GFRA2: variants seen among roughly 807,000 people sequenced by gnomAD.
GFRA2 encodes GDNF family receptor alpha-2.
Under a neutral mutation model 48.3 loss-of-function variants are expected in GFRA2, and 17 were observed. The observed-to-expected ratio is 0.35, with a 90% CI of 0.24 to 0.53. GFRA2 has a LOEUF of 0.53. Ranked by LOEUF, GFRA2 falls within the 20% of genes least tolerant of loss-of-function variation. The probability of loss-of-function intolerance (pLI) is 0.93; values close to 1 mark genes in which losing one functional copy is unlikely to be tolerated. For synonymous variants in GFRA2, 305 were observed against 257.2 expected, an observed-to-expected ratio of 1.19 and a Z score of -1.78; for missense variants, 660 against 637.3, an observed-to-expected ratio of 1.04 and a Z score of -0.38.
intron 3 of GFRA2, chr8:21,769,053 G>A: frequency 3.1e-6 from 1 of 326,008 alleles, no homozygotes; most frequent in Non-Finnish European, 4.4e-6. Flanking sequence ...GAACTCTTGG[G>A]GCAGCACTTG....
chr8:21,774,160 C>T (rs1428286070), intron 3 of GFRA2, among the ~76,000 whole-genome samples: 3 of 151,850 alleles, frequency 2.0e-5, no homozygotes, highest in Non-Finnish European at 2.9e-5. Context: ...CCCCCACCCC[C>T]ACAGAGCACT....
chr8:21,796,747 T>G (rs1807683831), intron 2 of GFRA2, among the ~76,000 whole-genome samples: 1 of 152,212 alleles, frequency 6.6e-6, no homozygotes, highest in Non-Finnish European at 1.5e-5. Context: ...ATCCTATCTC[T>G]CTTTCCAGAA....
intron 6 of GFRA2, among the ~76,000 whole-genome samples, chr8:21,703,958 C>T (rs1280282515): frequency 2.6e-5 from 4 of 152,272 alleles, no homozygotes; most frequent in African/African-American, 7.2e-5. Flanking sequence ...CCCTTGCTGA[C>T]ATTCCTTCAA....
intron 4 of GFRA2, among the ~76,000 whole-genome samples, chr8:21,746,087 C>A (rs564434523): frequency 9.2e-5 from 14 of 152,252 alleles, no homozygotes; most frequent in African/African-American, 3.4e-4. Context: ...CGATGAAGAG[C>A]CCCCCAGGGC....
chr8:21,769,139 G>A, intron 3 of GFRA2: 1 of 980,844 alleles, frequency 1.0e-6, no homozygotes, highest in Non-Finnish European at 1.2e-6. Flanking sequence ...ACACAGTGAG[G>A]ACACAGGTCT....
intron 4 of GFRA2, among the ~76,000 whole-genome samples, chr8:21,712,947 G>C (rs983832815): frequency 6.6e-6 from 1 of 151,920 alleles, no homozygotes; most frequent in Non-Finnish European, 1.5e-5. Context: ...AGTGAGCCGA[G>C]ATGGCAGCAG....
At chr8:21,696,734 G>C (rs547570012) in intron 7 of GFRA2, among the ~76,000 whole-genome samples, 1 of 152,276 alleles carries the variant, frequency 6.6e-6, no homozygotes, top group East Asian at 1.9e-4. Flanking sequence ...AACTTGACAA[G>C]TTCCTCTTAA....
chr8:21,700,584 G>A (rs1478027846), intron 7 of GFRA2, among the ~76,000 whole-genome samples: 21 of 152,302 alleles, frequency 1.4e-4, no homozygotes, highest in Non-Finnish European at 2.9e-4. Context: ...CCAACTGGCT[G>A]TGGGGCTGTG....
At position 21,702,675 on chromosome 8, in the gene GFRA2, C is replaced by T. The variant is rs1247625959; in HGVS notation, c.1218+130G>A. On this transcript the variant is annotated intron_variant, in intron 7 of 8. Transcript: ENST00000524240. Reference sequence around the variant, plus strand: ...GGAACTGGTGAAGAATGACCCCCGGCAGCTCCTCCCTGCCTCTTGGGTCCC... The same window carrying T: ...GGAACTGGTGAAGAATGACCCCCGGTAGCTCCTCCCTGCCTCTTGGGTCCC... 6.2e-6 allele frequency: 5 copies of T among 810,252 alleles called. No individual in the cohort carries two copies. In the East Asian group the frequency reaches 9.4e-5, roughly 15 times the overall value. The allele number at this position is 810,252 out of a possible 1,614,324, so 50.2% of individuals were successfully genotyped here. A position where few individuals can be genotyped will look rare whatever the true frequency, so the allele number is the denominator to read the frequency against.
chr8:21,750,057 A>T lies in GFRA2; in HGVS notation c.794+531T>A, dbSNP rs984923104. 4.2e-4 allele frequency among the ~76,000 whole-genome samples: 60 copies of T among 143,874 alleles called. No individual in the cohort carries two copies. Among genetic ancestry groups the T allele is most frequent in the African/African-American group, 1.5e-3 (57 of 38,976 alleles). The allele number at this position is 143,874 out of a possible 152,430, so 94.4% of individuals were successfully genotyped here. A position where few individuals can be genotyped will look rare whatever the true frequency, so the allele number is the denominator to read the frequency against. On this transcript the variant is annotated intron_variant, in intron 4 of 8. Coordinates refer to ENST00000524240, the MANE Select transcript of GFRA2 (RefSeq NM_001495.5). The surrounding 1 kb of genome is among the most constrained non-coding windows in gnomAD (Gnocchi z 5.7). ...AGCTCTATATAATATATGTAAGTATATATATGTGTATATATGTGTGTGTGT... is the reference window on the plus strand; with the variant it reads ...AGCTCTATATAATATATGTAAGTATTTATATGTGTATATATGTGTGTGTGT...
chr8:21,728,759 C>T (rs1026474485), intron 4 of GFRA2, among the ~76,000 whole-genome samples: 2 of 152,202 alleles, frequency 1.3e-5, no homozygotes, highest in African/African-American at 2.4e-5. Context: ...TCTAATCCTG[C>T]GTCCTTATCT....
At chr8:21,779,317 TG>T (rs1452431581) in intron 2 of GFRA2, among the ~76,000 whole-genome samples, 1 of 152,216 alleles carries the variant, frequency 6.6e-6, no homozygotes, top group African/African-American at 2.4e-5. Flanking sequence ...CTCATTTCCC[TG>T]GGATCCCATC....
chr8:21,726,619 T>G (rs1803883230), intron 4 of GFRA2, among the ~76,000 whole-genome samples: 1 of 152,158 alleles, frequency 6.6e-6, no homozygotes, highest in Non-Finnish European at 1.5e-5. Flanking sequence ...TCAGCGTCTG[T>G]GTCCATCATC....
chr8:21,762,600 T>C lies in GFRA2; in HGVS notation c.440-11658A>G, dbSNP rs577963921. 4.3e-4 allele frequency among the ~76,000 whole-genome samples: 65 copies of C among 152,330 alleles called. No individual in the cohort carries two copies. The East Asian group carries it at 4.8e-3, about 11-fold the overall frequency. ...ATGGCAAATACACTGAACATCAATT[T>C]GAAATAAAATCAATTTGGAACCTTT... On this transcript the variant is annotated intron_variant, in intron 3 of 8. Coordinates refer to ENST00000524240, the MANE Select transcript of GFRA2 (RefSeq NM_001495.5).
At chr8:21,811,791 T>C (rs1310080727) in intron 1 of GFRA2, among the ~76,000 whole-genome samples, 2 of 151,924 alleles carry the variant, frequency 1.3e-5, no homozygotes, top group Non-Finnish European at 2.9e-5. Flanking sequence ...GCTCTTGTTT[T>C]CTTTTAACTT....
At chr8:21,726,812 G>C (rs1803894103) in intron 4 of GFRA2, among the ~76,000 whole-genome samples, 1 of 146,654 alleles carries the variant, frequency 6.8e-6, no homozygotes, top group South Asian at 2.2e-4. Context: ...GATTGCAGTA[G>C]CCTGATCTTG....
chr8:21,728,747 T>C (rs73669536), intron 4 of GFRA2, among the ~76,000 whole-genome samples: 102 of 152,242 alleles, frequency 6.7e-4, no homozygotes, highest in African/African-American at 2.2e-3. Context: ...TCCCTTAAAA[T>C]CTCTAATCCT....
chr8:21,782,593 A>C lies in GFRA2; in HGVS notation c.347T>G (p.Leu116Arg). Residue 116 changes from leucine (L) to arginine (R), a missense_variant, in exon 2 of 9, where the codon CTG (leucine) becomes CGG (arginine). Leu to Arg is a moderately radical substitution (Grantham distance 102, BLOSUM62 -2). Coordinates refer to ENST00000524240, the MANE Select transcript of GFRA2 (RefSeq NM_001495.5). ...LQIYWSIHLGLTEGEEFYEAS... is the reference protein window; with the variant it reads ...LQIYWSIHLGRTEGEEFYEAS... ...GCCCCGCCCAGGCTTACCCTCGGTC[A>C]GCCCCAGGTGGATGCTCCAGTAGAT... 1 of 1,573,740 alleles carries C rather than the reference A, an allele frequency of 6.4e-7. No individual in the cohort carries two copies. The highest frequency in any genetic ancestry group is 2.4e-5 in the East Asian group (1 of 42,388).
At chr8:21,774,066 C>T (rs1247786638) in intron 3 of GFRA2, among the ~76,000 whole-genome samples, 1 of 152,138 alleles carries the variant, frequency 6.6e-6, no homozygotes, top group African/African-American at 2.4e-5. Flanking sequence ...ACGAGATTTC[C>T]TGTGCTCAAA....
Sources: gnomAD v4.1 joint callset for allele counts (sites outside exome capture counted in the v4.1 genomes callset) on GRCh38, gnomAD v4.1.1 for gene constraint, Gnocchi (gnomAD v3.1) non-coding constraint, MANE v1.5 for transcripts, NCBI Gene and HGNC (gene_info 2026-07-23, HGNC 2026-07-21) for gene names.